Variants in ZNF615 observed in about 807,000 individuals in gnomAD.
The protein encoded by ZNF615 is zinc finger protein 615.
In ZNF615, 15 loss-of-function variants were observed where a neutral mutation model predicts 15.3. The ratio of observed to expected loss-of-function variants is 0.98; its 90% confidence interval spans 0.66 to 1.51. ZNF615 has a LOEUF of 1.51. Among genes scored for constraint, ZNF615 ranks in the 40% most tolerant of loss-of-function variants. ZNF615 has a pLI of 0.00. For missense variants in ZNF615, 848 were observed against 895.9 expected (o/e 0.95, Z 0.68); for synonymous variants, 268 against 294.6 (o/e 0.91, Z 0.92).
At chr19:52,001,738 A>T in intron 5 of ZNF615, 75 bp downstream of exon 5, 1 of 1,246,684 alleles carries the variant, frequency 8.0e-7, no homozygotes, top group Non-Finnish European at 1.2e-6. Flanking sequence ...AGATGCCCTC[A>T]CTGCTTTGAC....
chr19:51,994,278 G>A lies in ZNF615; in HGVS notation c.831C>T (p.Asp277=), dbSNP rs757617694. The change falls in exon 7 of 7, where the codon GAC becomes GAT. Residue 277 remains aspartate (D), a synonymous_variant. Transcript: ENST00000598071. ...ELKHYECTEC[D]KTFLKKSQLN... Reference sequence around the variant, plus strand: ...GCTGTGATTTCTTGAGGAAGGTTTTGTCACATTCAGTGCATTCATAATGTT... The same window carrying A: ...GCTGTGATTTCTTGAGGAAGGTTTTATCACATTCAGTGCATTCATAATGTT... 2 of 1,614,126 alleles carry A rather than the reference G, an allele frequency of 1.2e-6. No individual in the cohort carries two copies. The highest frequency in any genetic ancestry group is 1.7e-6 in the Non-Finnish European group (2 of 1,180,014).
At position 51,991,781 on chromosome 19, in the gene ZNF615, G is replaced by A. The variant is rs990681760; in HGVS notation, c.*1099C>T. 5 of 152,102 alleles carry A rather than the reference G, an allele frequency of 3.3e-5. No homozygotes were observed. The highest frequency in any genetic ancestry group is 1.2e-4 in the African/African-American group (5 of 41,398). 9.4% of individuals were successfully genotyped at this position (152,102 alleles called of 1,614,324 possible). A position where few individuals can be genotyped will look rare whatever the true frequency, so the allele number is the denominator to read the frequency against. ...AAAAAACAAACAAAAATGCATGCAT[G>A]TTAAAACTGGTGATTTCCAAATAAA... On this transcript the variant is annotated 3_prime_UTR_variant, in exon 7 of 7. Transcript: ENST00000598071.
chr19:52,006,775 C>T (rs375314564), intron 2 of ZNF615, among the ~76,000 whole-genome samples: 1 of 152,124 alleles, frequency 6.6e-6, no homozygotes, highest in Non-Finnish European at 1.5e-5. Context: ...TAACATTAAA[C>T]TTCTTTCAAT....
Position 51,993,991 on chromosome 19 carries a change from T to C in ZNF615, c.1118A>G (p.His373Arg). The C allele has an allele frequency of 3.1e-6, 5 of 1,612,268 alleles. No individual in the cohort carries two copies. The highest frequency in any genetic ancestry group is 1.7e-6 in the Non-Finnish European group (2 of 1,178,972). ...TTTCTCACCAGTATGAGTTCGATGA[T>C]GTGCAGTAAGACGCCTCTTCTCAAT... ...GFIEKRRLTAHHRTHTGEKPF... is the reference protein window; with the variant it reads ...GFIEKRRLTARHRTHTGEKPF... The change falls in exon 7 of 7, where the codon CAT (histidine) becomes CGT (arginine). Residue 373 changes from histidine to arginine, a missense_variant. Transcript: ENST00000598071.
intron 3 of ZNF615, 124 bp from the exon 4 acceptor site, chr19:52,002,405 T>C: frequency 7.4e-7 from 1 of 1,353,416 alleles, no homozygotes; most frequent in Non-Finnish European, 1.1e-6. Context: ...TCTTAGTACA[T>C]TTTGACAGAA....
intron 6 of ZNF615, among the ~76,000 whole-genome samples, chr19:51,998,287 C>G (rs1599996414): frequency 6.6e-6 from 1 of 152,170 alleles, no homozygotes; most frequent in African/African-American, 2.4e-5. Flanking sequence ...TCCATTCAAG[C>G]TTCCTAGAAG....
At chr19:52,002,310 G>A in intron 3 of ZNF615, 29 bp from the exon 4 acceptor site, 1 of 1,613,364 alleles carries the variant, frequency 6.2e-7, no homozygotes, top group African/African-American at 1.3e-5. Context: ...GTTTAATGAA[G>A]TCATATTCTT....
intron 2 of ZNF615, among the ~76,000 whole-genome samples, chr19:52,005,569 A>C (rs1219063388): frequency 1.3e-5 from 2 of 152,212 alleles, no homozygotes; most frequent in Non-Finnish European, 2.9e-5. Context: ...TATTAACAGA[A>C]ACAGGTGCTG....
chr19:51,999,510 T>C (rs1462022219), intron 6 of ZNF615, among the ~76,000 whole-genome samples: 1 of 152,210 alleles, frequency 6.6e-6, no homozygotes, highest in East Asian at 1.9e-4. Context: ...TATTTATACA[T>C]AGTATATGTT....
intron 1 of ZNF615, 76 bp downstream of exon 1, chr19:52,008,065 T>G: frequency 7.2e-7 from 1 of 1,396,744 alleles, no homozygotes; most frequent in South Asian, 1.2e-5. Flanking sequence ...CCATCACCAC[T>G]GTCCACGAAC....
intron 1 of ZNF615, 105 bp from the exon 2 acceptor site, chr19:52,007,435 G>C: frequency 1.7e-6 from 1 of 581,250 alleles, no homozygotes; most frequent in South Asian, 1.9e-5. Flanking sequence ...CTAGATGACT[G>C]ATCTCGCCAA....
At chr19:52,002,952 T>C (rs181694103) in intron 3 of ZNF615, among the ~76,000 whole-genome samples, 12 of 151,820 alleles carry the variant, frequency 7.9e-5, no homozygotes, top group African/African-American at 2.9e-4. Flanking sequence ...TCAGCCTCCC[T>C]AGTAGCTGGG....
chr19:51,993,945 A>G lies in ZNF615; in HGVS notation c.1164T>C (p.Cys388=). 2 of 1,614,148 alleles carry G rather than the reference A, an allele frequency of 1.2e-6. No individual in the cohort carries two copies. Among genetic ancestry groups the G allele is most frequent in the Non-Finnish European group, 1.7e-6 (2 of 1,179,990 alleles). The change falls in exon 7 of 7, where the codon TGT becomes TGC. Residue 388 remains cysteine (C), a synonymous_variant. Transcript: ENST00000598071. ...TGEKPFICNK[C]GKGFTLKNSL... ...TGTTCTTCAAGGTGAAGCCTTTCCC[A>G]CATTTATTGCATATAAAGGGTTTCT...
At chr19:52,002,833 GT>G (rs59175097) in intron 3 of ZNF615, among the ~76,000 whole-genome samples, 14 of 147,256 alleles carry the variant, frequency 9.5e-5, no homozygotes, top group Admixed American at 1.3e-4. Context: ...TTGCTTGCTT[GT>G]TTTTTTTTTT....
rs1433089 is a variant in ZNF615 at position 52,003,732 on chromosome 19, T to C, written c.-21A>G. 285,287 of 1,610,524 alleles carry C rather than the reference T, an allele frequency of 0.18. 27,940 individuals are homozygous for C. The highest frequency in any genetic ancestry group is 0.37 in the East Asian group (16,636 of 44,716). On this transcript the variant is annotated 5_prime_UTR_variant, in exon 3 of 7. Transcript: ENST00000598071. ...ATCATTGTCTCCTAAATTTGGGAAATGACTGCTAACTTGGACGTTCTGTAT... is the reference window on the plus strand; with the variant it reads ...ATCATTGTCTCCTAAATTTGGGAAACGACTGCTAACTTGGACGTTCTGTAT...
Position 51,993,793 on chromosome 19 carries a change from T to C in ZNF615, c.1316A>G (p.Tyr439Cys), listed in dbSNP as rs146442856. 4.3e-6 allele frequency: 7 copies of C among 1,614,080 alleles called. No individual in the cohort carries two copies. In the African/African-American group the frequency reaches 8.0e-5, roughly 18 times the overall value. Residue 439 changes from tyrosine (Y) to cysteine (C), a missense_variant, in exon 7 of 7, where the codon TAT (tyrosine) becomes TGT (cysteine). Physicochemically the swap from Tyr to Cys is radical, Grantham distance 194 (BLOSUM62 -2). Coordinates refer to ENST00000598071, the MANE Select transcript of ZNF615 (RefSeq NM_001199324.2). ...GCCCTTTCCACACTCATTGCATTTA[T>C]AAGGTTTCTCTCCAGTATGAGTTCG... ...HQRTHTGEKPYKCNECGKGFA... is the reference protein window; with the variant it reads ...HQRTHTGEKPCKCNECGKGFA...
rs1206926559 is a variant in ZNF615, at chr19:51,993,229, T to G, written c.1880A>C (p.Gln627Pro). 1 of 1,614,160 alleles carries G rather than the reference T, an allele frequency of 6.2e-7. No homozygotes were observed. Among genetic ancestry groups the G allele is most frequent in the Non-Finnish European group, 8.5e-7 (1 of 1,180,020 alleles). Residue 627 changes from glutamine to proline, a missense_variant, in exon 7 of 7, where the codon CAA becomes CCA. By Grantham distance (76) the Gln-to-Pro change is moderately conservative. Transcript: ENST00000598071. ...GTATGGCTTCTCTCCAGTATGAGTT[T>G]GCTGATGTATACTGAGAGTACTCTT... Reference protein sequence around the residue: ...TMKSTLSIHQQTHTGEKPYKC... With the variant: ...TMKSTLSIHQPTHTGEKPYKC...
rs1479211787 is a variant in ZNF615 at position 51,993,379 on chromosome 19, T to C, written c.1730A>G (p.Lys577Arg). 2 of 1,613,962 alleles carry C rather than the reference T, an allele frequency of 1.2e-6. No homozygotes were observed. Among genetic ancestry groups the C allele is most frequent in the Non-Finnish European group, 1.7e-6 (2 of 1,180,004 alleles). The change falls in exon 7 of 7, where the codon AAA becomes AGA. Residue 577 changes from lysine to arginine, a missense_variant. Transcript: ENST00000598071. ...NVHRRTHTGE[K>R]PYVCSECGKG... The stretch of plus-strand genomic sequence containing the variant: ...GCCACATTCACTGCATACATAGGGT[T>C]TCTCTCCTGTATGAGTGCGCCGATG...
chr19:51,994,984 T>C (rs2086376678), intron 6 of ZNF615, 147 bp from the exon 7 acceptor site: 1 of 822,738 alleles, frequency 1.2e-6, no homozygotes, highest in Non-Finnish European at 1.7e-6. Flanking sequence ...CAATAAAGCT[T>C]TTTAATCACC....
Sources: allele counts gnomAD v4.1 joint callset (sites outside exome capture counted in the v4.1 genomes callset), GRCh38; gene constraint gnomAD v4.1.1; transcripts MANE v1.5; gene names NCBI Gene and HGNC (gene_info 2026-07-23, HGNC 2026-07-21).